Variants in DSCAM observed in about 807,000 individuals in gnomAD.
The protein encoded by DSCAM is cell adhesion molecule DSCAM.
In DSCAM, 47 loss-of-function variants were observed where a neutral mutation model predicts 217.7. The ratio of observed to expected loss-of-function variants is 0.22; its 90% CI spans 0.17 to 0.28. The LOEUF is 0.28. Ranked by LOEUF, DSCAM falls within the 10% of genes least tolerant of loss-of-function variation. The pLI is 1.00. For missense variants in DSCAM, 2,080 were observed against 2,618.3 expected (o/e 0.79, Z 4.49); for synonymous variants, 1,056 against 1,015.3 (o/e 1.04, Z -0.76).
chr21:40,055,902 T>C, intron 28 of DSCAM, 62 bp from the exon 29 acceptor site: 5 of 1,237,880 alleles, frequency 4.0e-6, no homozygotes, highest in East Asian at 2.4e-5. Context: ...TCTACCAACA[T>C]GCACCTGTAT....
At chr21:40,432,166 C>T (rs773821252) in intron 3 of DSCAM, among the ~76,000 whole-genome samples, 3 of 151,834 alleles carry the variant, frequency 2.0e-5, no homozygotes, top group Non-Finnish European at 4.4e-5. Context: ...CATTGCACTT[C>T]AGTCCGGGCA....
chr21:40,029,167 G>T (rs914557619), intron 32 of DSCAM, among the ~76,000 whole-genome samples: 2 of 152,224 alleles, frequency 1.3e-5, no homozygotes, highest in African/African-American at 2.4e-5. Flanking sequence ...TTGGTTTCAG[G>T]TAGCATTTTG....
At chr21:40,713,365 T>C (rs2090804224) in intron 1 of DSCAM, among the ~76,000 whole-genome samples, 1 of 152,208 alleles carries the variant, frequency 6.6e-6, no homozygotes, top group Admixed American at 6.5e-5. Context: ...AGACGTGTGT[T>C]GTGTCACAGT....
chr21:40,828,384 T>C (rs188880706), intron 1 of DSCAM, among the ~76,000 whole-genome samples: 1 of 152,296 alleles, frequency 6.6e-6, no homozygotes, highest in African/African-American at 2.4e-5. Context: ...GTCATGTGTA[T>C]GGGTCTGGTG....
intron 11 of DSCAM, among the ~76,000 whole-genome samples, chr21:40,238,623 G>A (rs538792545): frequency 3.3e-4 from 51 of 152,284 alleles, no homozygotes; most frequent in African/African-American, 1.2e-3. Context: ...TAGCAGCTGG[G>A]GGAAAAGAAA....
rs183918653 is a variant in DSCAM, at chr21:40,268,390, G to T, written c.2356+7707C>A. The stretch of plus-strand genomic sequence containing the variant: ...GTGACCCCACAGTCAAGGACCATAT[G>T]GCACTCAGACTTCTCAGCAGATGCC... On this transcript the variant is annotated intron_variant, in intron 11 of 32. Coordinates refer to ENST00000400454, the MANE Select transcript of DSCAM (RefSeq NM_001389.5). 3.6e-3 allele frequency among the ~76,000 whole-genome samples: 550 copies of T among 152,222 alleles called. 4 individuals are homozygous for T. Among genetic ancestry groups the T allele is most frequent in the Middle Eastern group, 0.02 (6 of 294 alleles).
At chr21:40,215,399 A>G (rs964129671) in intron 11 of DSCAM, among the ~76,000 whole-genome samples, 1 of 152,050 alleles carries the variant, frequency 6.6e-6, no homozygotes, top group Non-Finnish European at 1.5e-5. Context: ...AAGGAAAAAA[A>G]TCATAAAAGC....
chr21:40,843,005 A>G (rs187903094), intron 1 of DSCAM, among the ~76,000 whole-genome samples: 49 of 152,292 alleles, frequency 3.2e-4, no homozygotes, highest in Admixed American at 1.5e-3. Context: ...AATCTGTTTA[A>G]TAAAGATGGG....
chr21:40,715,107 G>C (rs2090827479), intron 1 of DSCAM, among the ~76,000 whole-genome samples: 1 of 152,172 alleles, frequency 6.6e-6, no homozygotes, highest in Non-Finnish European at 1.5e-5. Context: ...ATAAACTTCT[G>C]TTGTTTACAA....
chr21:40,049,065 G>A (rs1012515436), intron 30 of DSCAM, among the ~76,000 whole-genome samples: 1 of 152,196 alleles, frequency 6.6e-6, no homozygotes, highest in Admixed American at 6.5e-5. Flanking sequence ...GGGAACCAGA[G>A]ACTGATGCAT....
chr21:40,550,844 G>A (rs1207296202), intron 3 of DSCAM, among the ~76,000 whole-genome samples: 5 of 152,302 alleles, frequency 3.3e-5, no homozygotes, highest in African/African-American at 7.2e-5. Context: ...CAAAAGGGAC[G>A]AGAGGCACAG....
chr21:40,245,898 A>G (rs564769896), intron 11 of DSCAM, among the ~76,000 whole-genome samples: 122 of 152,278 alleles, frequency 8.0e-4, no homozygotes, highest in Admixed American at 2.2e-3. Context: ...GCAATGGATC[A>G]GAAGGGGCCA....
chr21:40,670,070 T>C (rs2090254248), intron 3 of DSCAM, among the ~76,000 whole-genome samples: 1 of 152,214 alleles, frequency 6.6e-6, no homozygotes, highest in Non-Finnish European at 1.5e-5. Context: ...ATAGTACTAG[T>C]TCAAGTTAAT....
intron 1 of DSCAM, among the ~76,000 whole-genome samples, chr21:40,818,910 C>A (rs1478515274): frequency 2.0e-5 from 3 of 152,014 alleles, no homozygotes; most frequent in Non-Finnish European, 2.9e-5. Flanking sequence ...ATAAAAAGAG[C>A]TTTTTCTGGC....
At chr21:40,395,743 AT>A (rs2075173066) in intron 3 of DSCAM, among the ~76,000 whole-genome samples, 1 of 152,190 alleles carries the variant, frequency 6.6e-6, no homozygotes, top group African/African-American at 2.4e-5. Flanking sequence ...TCTATTAAAG[AT>A]TTTTTAGTGT....
chr21:40,164,439 G>C (rs2090572242), intron 16 of DSCAM, among the ~76,000 whole-genome samples: 1 of 152,134 alleles, frequency 6.6e-6, no homozygotes, highest in South Asian at 2.1e-4. Context: ...TAGGTCCTGA[G>C]CAACCTTTGC....
chr21:40,259,970 G>A (rs1031963002), intron 11 of DSCAM, among the ~76,000 whole-genome samples: 1 of 151,796 alleles, frequency 6.6e-6, no homozygotes, highest in African/African-American at 2.4e-5. Flanking sequence ...CTTGTGATCC[G>A]CCCGCCTCGG....
At chr21:40,488,845 C>G (rs2076051431) in intron 3 of DSCAM, among the ~76,000 whole-genome samples, 1 of 152,132 alleles carries the variant, frequency 6.6e-6, no homozygotes, top group Non-Finnish European at 1.5e-5. Context: ...TATTTCCCCA[C>G]CAAAAGCCAA....
intron 3 of DSCAM, among the ~76,000 whole-genome samples, chr21:40,654,027 G>A (rs1811805): frequency 0.15 from 22,844 of 151,370 alleles, 1,957 homozygotes; most frequent in Admixed American, 0.24. Context: ...CCCAGGAGGC[G>A]GAGGTTGCAG....
Sources: gnomAD v4.1 joint callset for allele counts (sites outside exome capture counted in the v4.1 genomes callset) on GRCh38, gnomAD v4.1.1 for gene constraint, MANE v1.5 for transcripts, NCBI Gene and HGNC (gene_info 2026-07-23, HGNC 2026-07-21) for gene names.